EPB41L1: variants seen among roughly 807,000 people sequenced by gnomAD.
EPB41L1 encodes erythrocyte membrane protein band 4.1 like 1, also known as band 4.1-like protein 1.
In EPB41L1, 29 loss-of-function variants were observed where a neutral mutation model predicts 97.8. The ratio of observed to expected loss-of-function variants is 0.30; its 90% confidence interval spans 0.22 to 0.40. The LOEUF (loss-of-function observed/expected upper bound fraction) is 0.40. Ranked by LOEUF, EPB41L1 falls within the 10% of genes least tolerant of loss-of-function variation. The pLI, the probability that EPB41L1 is intolerant of heterozygous loss-of-function variation, is 1.00. For synonymous variants in EPB41L1, 383 were observed against 459.2 expected, an observed-to-expected ratio of 0.83 and a Z score of 2.12; for missense variants, 812 against 1,162.3, an observed-to-expected ratio of 0.70 and a Z score of 4.38.
At chr20:36,156,799 A>G (rs535742050) in intron 1 of EPB41L1, among the ~76,000 whole-genome samples, 1 of 152,278 alleles carries the variant, frequency 6.6e-6, no homozygotes, top group Admixed American at 6.5e-5. Context: ...CCAGGTGCCC[A>G]GGGATGTTCT....
In EPB41L1 at chr20:36,206,153, C is replaced by T. The variant is rs1487177497; in HGVS notation, c.1669-3335C>T. ...ATCAGGGAAAGCCCAGGAGGGGCTG[C>T]CCTGGCTTCCGGCCGCACATTGGCA... On this transcript the variant is annotated intron_variant, in intron 14 of 21. Coordinates refer to ENST00000338074, the MANE Select transcript of EPB41L1 (RefSeq NM_012156.2). The surrounding 1 kb of genome is among the most constrained non-coding windows in gnomAD (Gnocchi z 5.5). The T allele has an allele frequency of 7.8e-7, 1 of 1,289,856 alleles. No homozygotes were observed. The highest frequency in any genetic ancestry group is 2.3e-5 in the Admixed American group (1 of 43,574). The allele number at this position is 1,289,856 out of a possible 1,614,324, so 79.9% of individuals were successfully genotyped here. A position where few individuals can be genotyped will look rare whatever the true frequency, so the allele number is the denominator to read the frequency against.
intron 2 of EPB41L1, among the ~76,000 whole-genome samples, chr20:36,112,748 G>A (rs1039579163): frequency 2.0e-5 from 3 of 152,184 alleles, no homozygotes; most frequent in South Asian, 2.1e-4. Context: ...GCTCATCCAT[G>A]CCACCGTGGC....
chr20:36,206,251 G>A lies in EPB41L1; in HGVS notation c.1669-3237G>A. 7.8e-7 allele frequency: 1 copy of A among 1,289,946 alleles called. No homozygotes were observed. Among genetic ancestry groups the A allele is most frequent in the Non-Finnish European group, 1.0e-6 (1 of 988,904 alleles). 79.9% of individuals were successfully genotyped at this position (1,289,946 alleles called of 1,614,324 possible). ...AACCATCAGGAACCGCTGCATGTCA[G>A]ATGGTCAGCCGGAGGGCCAGACAGA... On this transcript the variant is annotated intron_variant, in intron 14 of 21. Transcript: ENST00000338074. The surrounding 1 kb of genome is among the most constrained non-coding windows in gnomAD (Gnocchi z 5.5).
At chr20:36,101,293 T>A (rs112987039) in intron 1 of EPB41L1, among the ~76,000 whole-genome samples, 2 of 151,800 alleles carry the variant, frequency 1.3e-5, no homozygotes, top group African/African-American at 4.8e-5. Context: ...GAGGGAGGAA[T>A]AGGAAACCTG....
At chr20:36,169,054 C>T (rs183236317) in intron 1 of EPB41L1, among the ~76,000 whole-genome samples, 85 of 151,342 alleles carry the variant, frequency 5.6e-4, no homozygotes, top group African/African-American at 1.7e-3. Flanking sequence ...GGTGAAACCC[C>T]GTCTGTACTA....
intron 2 of EPB41L1, among the ~76,000 whole-genome samples, chr20:36,129,126 C>T (rs1413493172): frequency 6.6e-6 from 1 of 151,878 alleles, no homozygotes; most frequent in African/African-American, 2.4e-5. Flanking sequence ...GAGGGATGGG[C>T]CTAAGAAGCC....
chr20:36,218,850 C>T, intron 17 of EPB41L1, 26 bp from the exon 18 acceptor site: 1 of 1,611,192 alleles, frequency 6.2e-7, no homozygotes, highest in Non-Finnish European at 8.5e-7. Flanking sequence ...TGAGAGCTGG[C>T]CATCTGAGCA....
intron 1 of EPB41L1, among the ~76,000 whole-genome samples, chr20:36,108,423 C>A (rs1481999375): frequency 6.6e-6 from 1 of 151,800 alleles, no homozygotes; most frequent in South Asian, 2.1e-4. Flanking sequence ...ACCTGTAATC[C>A]CAGCACTTTG....
chr20:36,197,855 C>T lies in EPB41L1; in HGVS notation c.1486-4C>T. On this transcript the variant is annotated splice_region_variant and splice_polypyrimidine_tract_variant and intron_variant, in intron 13 of 21. Coordinates refer to ENST00000338074, the MANE Select transcript of EPB41L1 (RefSeq NM_012156.2). ...ACACCACCACCCTCTCCATCTATCC[C>T]TAGTTCTTAGACAAGCCAGAAGATG... 2 of 1,614,138 alleles carry T rather than the reference C, an allele frequency of 1.2e-6. No individual in the cohort carries two copies. The highest frequency in any genetic ancestry group is 1.7e-6 in the Non-Finnish European group (2 of 1,180,034).
rs200618454 is a variant in EPB41L1, at chr20:36,173,747, C to T, written c.-14-17C>T. 377 of 1,612,994 alleles carry T rather than the reference C, an allele frequency of 2.3e-4. 2 individuals carry two copies. The highest frequency in any genetic ancestry group is 4.2e-5 in the Non-Finnish European group (50 of 1,179,052). ...GCTGTCCCTCCCTGTCACATGATCT[C>T]CTTCATGCCAATGCAGGCGTGCTGG... On this transcript the variant is annotated splice_polypyrimidine_tract_variant and intron_variant, in intron 1 of 21. Coordinates refer to ENST00000338074, the MANE Select transcript of EPB41L1 (RefSeq NM_012156.2).
At chr20:36,205,650 T>C (rs977042963) in intron 14 of EPB41L1, among the ~76,000 whole-genome samples, 4 of 152,166 alleles carry the variant, frequency 2.6e-5, no homozygotes, top group African/African-American at 9.7e-5. Context: ...ATTTATCAAG[T>C]GCCTGATGGG....
chr20:36,106,739 T>C (rs2058202816), intron 1 of EPB41L1, among the ~76,000 whole-genome samples: 1 of 152,266 alleles, frequency 6.6e-6, no homozygotes, highest in South Asian at 2.1e-4. Context: ...CCTCAAGGAC[T>C]TGACTGCAGA....
chr20:36,200,913 C>G (rs1192016678), intron 14 of EPB41L1: 5 of 456,730 alleles, frequency 1.1e-5, no homozygotes, highest in Admixed American at 9.4e-5. Context: ...GACTTGGTAC[C>G]TGAGCCTGGA....
chr20:36,208,922 C>T (rs2062976521), intron 14 of EPB41L1, among the ~76,000 whole-genome samples: 1 of 152,156 alleles, frequency 6.6e-6, no homozygotes, highest in African/African-American at 2.4e-5. Context: ...AAAGGCCTGA[C>T]CCTGAATTGC....
rs1568991740 is a variant in EPB41L1, at chr20:36,092,894, CGAG to C, written c.-65+1284_-65+1286del. On this transcript the variant is annotated intron_variant, in intron 1 of 19. Coordinates refer to the EPB41L1 transcript ENST00000202028. The surrounding 1 kb of genome is among the most constrained non-coding windows in gnomAD (Gnocchi z 7.0). ...CCGCGTGTGCGTGTGGGGTGGCCGC[CGAG>C]GGCGGCGGGCTCGATTCCCGATCTT... 6.6e-6 allele frequency: 1 copy of C among 151,496 alleles called. No homozygotes were observed. Among genetic ancestry groups the C allele is most frequent in the African/African-American group, 2.4e-5 (1 of 41,238 alleles). 9.4% of individuals were successfully genotyped at this position (151,496 alleles called of 1,614,324 possible). A position where few individuals can be genotyped will look rare whatever the true frequency, so the allele number is the denominator to read the frequency against.
In EPB41L1 at chr20:36,194,410, A is replaced by T. The variant is rs776816806; in HGVS notation, c.1449+50A>T. On this transcript the variant is annotated intron_variant, in intron 12 of 21. Transcript: ENST00000338074. ...CTCTGCCCTGGGGATCAGGAGGCTGACCTGAGGTCTAGCCTCGGCCTTGAC... is the reference window on the plus strand; with the variant it reads ...CTCTGCCCTGGGGATCAGGAGGCTGTCCTGAGGTCTAGCCTCGGCCTTGAC... 1.9e-6 allele frequency: 3 copies of T among 1,562,854 alleles called. No individual in the cohort carries two copies. The South Asian group carries it at 3.5e-5, about 18-fold the overall frequency.
intron 21 of EPB41L1, 35 bp from the exon 22 acceptor site, chr20:36,229,297 C>T (rs1207979086): frequency 1.3e-6 from 2 of 1,580,074 alleles, no homozygotes; most frequent in Admixed American, 1.7e-5. Context: ...CCCCACTCCC[C>T]ACCCCCCATT....
intron 5 of EPB41L1, among the ~76,000 whole-genome samples, chr20:36,179,613 T>C (rs2061393760): frequency 6.6e-6 from 1 of 152,186 alleles, no homozygotes; most frequent in Non-Finnish European, 1.5e-5. Context: ...CAAGGCAGCC[T>C]GAGTAGTTGG....
chr20:36,104,412 C>T (rs776748986), intron 1 of EPB41L1, among the ~76,000 whole-genome samples: 9 of 152,118 alleles, frequency 5.9e-5, no homozygotes, highest in African/African-American at 7.2e-5. Context: ...GTCGGCACCC[C>T]GGATGGAGCA....
Sources: gnomAD v4.1 joint callset for allele counts (sites outside exome capture counted in the v4.1 genomes callset) on GRCh38, gnomAD v4.1.1 for gene constraint, Gnocchi (gnomAD v3.1) non-coding constraint, MANE v1.5 for transcripts, NCBI Gene and HGNC (gene_info 2026-07-23, HGNC 2026-07-21) for gene names.